ZNF717: variants seen among roughly 807,000 people sequenced by gnomAD.
The protein encoded by ZNF717 is krueppel-like factor X17.
Under a neutral mutation model 13.8 loss-of-function variants are expected in ZNF717, and 9 were observed. The ratio of observed to expected loss-of-function variants is 0.65; its 90% CI spans 0.39 to 1.14. ZNF717 has a LOEUF of 1.14. Among genes scored for constraint, ZNF717 ranks in the 50% most tolerant of loss-of-function variants. The pLI, the probability that ZNF717 is intolerant of heterozygous loss-of-function variation, is 0.01. For missense variants in ZNF717, 1,040 were observed against 1,080.7 expected (o/e 0.96, Z 0.53); for synonymous variants, 327 against 364.1 (o/e 0.90, Z 1.16).
chr3:75,737,068 G>A lies in ZNF717; in HGVS notation c.2555C>T (p.Ser852Phe), dbSNP rs781568139. The change falls in exon 5 of 5, where the codon TCC (serine) becomes TTC (phenylalanine). Residue 852 changes from serine to phenylalanine, a missense_variant. Ser to Phe is a radical substitution (Grantham distance 155, BLOSUM62 -2). This residue lies in a region of ZNF717 where 873 missense variants were observed against 832.8 expected (regional missense o/e 1.05). Transcript: ENST00000652011. ...FRCNECRKTF[S>F]QKSGLSIHQR... ...ATGTATACTGAGGCCTGACTTCTGG[G>A]AGAAAGTTTTCCTACATTCATTACA... 28 of 1,600,274 alleles carry A rather than the reference G, an allele frequency of 1.7e-5. No individual in the cohort carries two copies. The highest frequency in any genetic ancestry group is 2.2e-5 in the Non-Finnish European group (26 of 1,173,410).
intron 2 of ZNF717, among the ~76,000 whole-genome samples, chr3:75,775,114 AC>A (rs1200669814): frequency 6.6e-6 from 1 of 151,926 alleles, no homozygotes; most frequent in Non-Finnish European, 1.5e-5. Flanking sequence ...GACACCTGCC[AC>A]CACACCAGGC....
chr3:75,758,652 T>C (rs537049546), intron 2 of ZNF717, among the ~76,000 whole-genome samples: 1 of 152,270 alleles, frequency 6.6e-6, no homozygotes, highest in African/African-American at 2.4e-5. Context: ...TTTTAAGAAA[T>C]TGCCACAGCT....
In ZNF717 at chr3:75,713,839, G is replaced by A. The variant is rs1264042621; in HGVS notation, n.668-2523C>T. Among the ~76,000 whole-genome samples the A allele has an allele frequency of 6.3e-4, 96 of 152,082 alleles. No homozygotes were observed. The East Asian group carries it at 0.015, about 24-fold the overall frequency. On this transcript the variant is annotated intron_variant and non_coding_transcript_variant, in intron 5 of 5. Transcript: ENST00000491507. ...GTAGTGGCCCCAAAGGCCAGGCTGC[G>A]CTTTTATTGGATACAAGACAAGGGG...
chr3:75,783,704 T>C (rs1576013715), intron 1 of ZNF717, among the ~76,000 whole-genome samples: 1 of 152,344 alleles, frequency 6.6e-6, no homozygotes, highest in African/African-American at 2.4e-5. Flanking sequence ...AAATAAATGT[T>C]ATAGAAATAT....
At chr3:75,730,203 G>A (rs1575729501) in exon 6 of ZNF717, 2 of 159,940 alleles carry the variant, frequency 1.3e-5, no homozygotes, top group African/African-American at 2.4e-5. Flanking sequence ...GTACAGGAAA[G>A]TTACAAGACC....
At chr3:75,700,525 T>C (rs1937671890) in intron 6 of ZNF717, among the ~76,000 whole-genome samples, 1 of 152,300 alleles carries the variant, frequency 6.6e-6, no homozygotes, top group Admixed American at 6.5e-5. Flanking sequence ...TTCCATTACC[T>C]GGTTTTAAAT....
At chr3:75,723,314 A>G (rs1938205879) in intron 4 of ZNF717, among the ~76,000 whole-genome samples, 1 of 129,400 alleles carries the variant, frequency 7.7e-6, no homozygotes, top group South Asian at 2.5e-4. Flanking sequence ...CAGTGGTGCA[A>G]TCATAGCTCA....
chr3:75,700,303 G>T (rs368655251), intron 6 of ZNF717, among the ~76,000 whole-genome samples: 3,154 of 118,294 alleles, frequency 0.027, no homozygotes, highest in African/African-American at 0.032. Context: ...CTGAGGCAGA[G>T]AATTGCTTGA....
intron 4 of ZNF717, among the ~76,000 whole-genome samples, chr3:75,722,483 C>A (rs74923562): frequency 0.014 from 2,117 of 152,164 alleles, 24 homozygotes; most frequent in Non-Finnish European, 0.023. Flanking sequence ...AATAGTGCCC[C>A]ACACAGACAT....
chr3:75,783,770 T>C (rs1392018336), intron 1 of ZNF717, among the ~76,000 whole-genome samples: 1 of 152,206 alleles, frequency 6.6e-6, no homozygotes, highest in Non-Finnish European at 1.5e-5. Context: ...AATAACTTCA[T>C]ATGAGTGTTC....
rs1939183659 is a variant in ZNF717, at chr3:75,736,220, TACA to T, written c.*655_*657del. 1.3e-5 allele frequency: 2 copies of T among 151,968 alleles called. No individual in the cohort carries two copies. The highest frequency in any genetic ancestry group is 2.4e-5 in the African/African-American group (1 of 41,154). 9.4% of individuals were successfully genotyped at this position (151,968 alleles called of 1,614,324 possible). A position where few individuals can be genotyped will look rare whatever the true frequency, so the allele number is the denominator to read the frequency against. On this transcript the variant is annotated 3_prime_UTR_variant, in exon 5 of 5. Coordinates refer to ENST00000652011, the MANE Select transcript of ZNF717 (RefSeq NM_001290208.3). Reference sequence around the variant, plus strand: ...TCTTCTAGCTCCCCATTCCCCAAGATACAACAATGAAATTAGGCCACTTCACTC... The same window carrying T: ...TCTTCTAGCTCCCCATTCCCCAAGATACAATGAAATTAGGCCACTTCACTC...
downstream of ZNF717, among the ~76,000 whole-genome samples, chr3:75,732,914 G>GA: frequency 6.9e-6 from 1 of 145,468 alleles, no homozygotes; most frequent in East Asian, 2.1e-4. Flanking sequence ...TATGATATTG[G>GA]AATTATCAGA....
At chr3:75,755,423 A>G (rs1467456453) in intron 2 of ZNF717, among the ~76,000 whole-genome samples, 1 of 152,226 alleles carries the variant, frequency 6.6e-6, no homozygotes, top group African/African-American at 2.4e-5. Flanking sequence ...GAATGGAAGG[A>G]TGGGAGGGAG....
At chr3:75,734,535 C>T (rs375723517), downstream of ZNF717, among the ~76,000 whole-genome samples, 212 of 150,578 alleles carry the variant, frequency 1.4e-3, 6 homozygotes, top group East Asian at 0.04. Context: ...CAGGTTCATG[C>T]CATTCTCCTG....
chr3:75,698,129 C>G (rs556553392), intron 6 of ZNF717, among the ~76,000 whole-genome samples: 1 of 152,070 alleles, frequency 6.6e-6, no homozygotes, highest in African/African-American at 2.4e-5. Context: ...TTCTAACAAC[C>G]TATGCTCACA....
At chr3:75,783,266 T>C (rs938711129) in intron 2 of ZNF717, 40 bp downstream of exon 2, 3 of 1,471,570 alleles carry the variant, frequency 2.0e-6, no homozygotes, top group African/African-American at 2.8e-5. Flanking sequence ...ACTCAGAAAA[T>C]ACAGTGTAAA....
chr3:75,700,724 C>G (rs1453585619), intron 6 of ZNF717, among the ~76,000 whole-genome samples: 1 of 152,268 alleles, frequency 6.6e-6, no homozygotes, highest in Non-Finnish European at 1.5e-5. Flanking sequence ...GCTGGGAAAA[C>G]TGGCAAGCCA....
downstream of ZNF717, among the ~76,000 whole-genome samples, chr3:75,709,069 C>T (rs1385126453): frequency 2.0e-5 from 3 of 149,066 alleles, no homozygotes; most frequent in African/African-American, 7.4e-5. Context: ...GGTGTGATCT[C>T]GGCTCACTGC....
intron 2 of ZNF717, among the ~76,000 whole-genome samples, chr3:75,782,109 C>T (rs1017952724): frequency 3.3e-5 from 5 of 151,562 alleles, no homozygotes; most frequent in African/African-American, 9.7e-5. Context: ...CTAACTCGCT[C>T]GGATACGACA....
Sources: gnomAD v4.1 joint callset for allele counts (sites outside exome capture counted in the v4.1 genomes callset) on GRCh38, gnomAD v4.1.1 for gene constraint, gnomAD v4.1.1 regional missense constraint, MANE v1.5 for transcripts, NCBI Gene and HGNC (gene_info 2026-07-23, HGNC 2026-07-21) for gene names.